The following KBTBD2 variants were observed in gnomAD, a reference collection of about 807,000 sequenced individuals.
KBTBD2 encodes the protein kelch repeat and BTB domain containing 2, also known as kelch repeat and BTB domain-containing protein 2.
A neutral mutation model predicts 57.1 loss-of-function variants in KBTBD2; 17 were observed. The ratio of observed to expected loss-of-function variants is 0.30; its 90% CI spans 0.20 to 0.45. The LOEUF is 0.45. Ranked by LOEUF, KBTBD2 falls within the 20% of genes least tolerant of loss-of-function variation. KBTBD2 has a pLI of 1.00. For synonymous variants in KBTBD2, 267 were observed against 262.7 expected (o/e 1.02, Z -0.16); for missense variants, 515 against 750.6 (o/e 0.69, Z 3.67).
Position 32,879,509 on chromosome 7 carries a change from G to A in KBTBD2, c.96C>T (p.Asp32=). 6.2e-7 allele frequency: 1 copy of A among 1,612,856 alleles called. No homozygotes were observed. Among genetic ancestry groups the A allele is most frequent in the Non-Finnish European group, 8.5e-7 (1 of 1,178,994 alleles). ...KLFYEQQLFT[D]IVLIVEGTEF... ...CAGTGCCCTCAACAATTAACACTAT[G>A]TCAGTAAACAACTGCTGTTCATAAA... is the stretch of plus-strand genomic sequence containing the variant. Residue 32 remains aspartate, a synonymous_variant, in exon 2 of 4, where the codon GAC becomes GAT. Transcript: ENST00000304056.
intron 3 of KBTBD2, among the ~76,000 whole-genome samples, chr7:32,873,384 C>CAAAAAA (rs544661966): frequency 9.3e-6 from 1 of 107,766 alleles, no homozygotes; most frequent in Non-Finnish European, 1.9e-5. Context: ...AAGCTCTAAG[C>CAAAAAA]AAAAAAAAAA....
chr7:32,889,371 G>C (rs898383996), intron 1 of KBTBD2, among the ~76,000 whole-genome samples: 4 of 152,008 alleles, frequency 2.6e-5, no homozygotes, highest in Non-Finnish European at 5.9e-5. Context: ...GGAAGGCCGA[G>C]GTGAGGGGAT....
At chr7:32,886,056 G>C (rs113614936) in intron 1 of KBTBD2, among the ~76,000 whole-genome samples, 2 of 151,850 alleles carry the variant, frequency 1.3e-5, no homozygotes, top group Non-Finnish European at 2.9e-5. Context: ...TTACAGGCAC[G>C]CACCACCATG....
intron 1 of KBTBD2, among the ~76,000 whole-genome samples, chr7:32,880,293 G>T (rs1009320472): frequency 1.3e-5 from 2 of 151,790 alleles, no homozygotes; most frequent in Admixed American, 6.6e-5. Flanking sequence ...AGCAACAAAT[G>T]ATCATAATAT....
chr7:32,885,017 T>TACACATATATGTGTATATATATATATAC (rs1562537582), intron 1 of KBTBD2, among the ~76,000 whole-genome samples: 100 of 125,026 alleles, frequency 8.0e-4, no homozygotes, highest in African/African-American at 3.2e-3. Flanking sequence ...TATATATATA[T>TACACATATATGTGTATATATATATATAC]ACACACACAT....
At chr7:32,874,073 G>A (rs1562532338) in intron 3 of KBTBD2, among the ~76,000 whole-genome samples, 1 of 152,066 alleles carries the variant, frequency 6.6e-6, no homozygotes, top group Non-Finnish European at 1.5e-5. Context: ...GACCAGCCTG[G>A]GCAACACAGT....
chr7:32,873,567 C>G (rs1292137027), intron 3 of KBTBD2, among the ~76,000 whole-genome samples: 1 of 152,004 alleles, frequency 6.6e-6, no homozygotes, highest in Non-Finnish European at 1.5e-5. Context: ...AACCCCACCT[C>G]AACTAAAAAT....
Position 32,879,553 on chromosome 7 carries a change from A to G in KBTBD2, c.52T>C (p.Leu18=), listed in dbSNP as rs775530015. 6 of 1,613,502 alleles carry G rather than the reference A, an allele frequency of 3.7e-6. No individual in the cohort carries two copies. The South Asian group carries it at 5.5e-5, about 15-fold the overall frequency. Residue 18 remains leucine (L), a synonymous_variant, in exon 2 of 4, where the codon TTG becomes CTG. Transcript: ENST00000304056. ...QINTEYAVSL[L]EQLKLFYEQQ... is the part of the protein sequence containing the mutation. ...TCATAAAACAGTTTCAACTGTTCCA[A>G]CAATGACACAGCATATTCAGTATTG...
intron 1 of KBTBD2, among the ~76,000 whole-genome samples, chr7:32,880,421 A>G (rs1395465055): frequency 1.3e-5 from 2 of 152,198 alleles, no homozygotes; most frequent in African/African-American, 4.8e-5. Context: ...TTTAAACTAT[A>G]CGGTAAATAG....
chr7:32,890,743 C>T (rs1784711218), intron 1 of KBTBD2, among the ~76,000 whole-genome samples: 1 of 152,148 alleles, frequency 6.6e-6, no homozygotes, highest in Non-Finnish European at 1.5e-5. Flanking sequence ...GAATTCTTTT[C>T]CTATTTTCAC....
At chr7:32,878,601 C>CA (rs1184759022) in intron 2 of KBTBD2, among the ~76,000 whole-genome samples, 3 of 149,834 alleles carry the variant, frequency 2.0e-5, no homozygotes, top group Non-Finnish European at 4.4e-5. Context: ...AAAACAAAAA[C>CA]AAAACAAAAC....
intron 3 of KBTBD2, among the ~76,000 whole-genome samples, chr7:32,873,978 C>T (rs190014802): frequency 3.9e-4 from 59 of 152,214 alleles, no homozygotes; most frequent in African/African-American, 1.4e-3. Flanking sequence ...AAAGACATTA[C>T]TGGGCCAGGC....
intron 1 of KBTBD2, among the ~76,000 whole-genome samples, chr7:32,880,630 GAATT>G (rs1168175488): frequency 5.9e-5 from 9 of 151,306 alleles, no homozygotes; most frequent in African/African-American, 2.2e-4. Flanking sequence ...AATGTTCTCC[GAATT>G]AATATGTAAC....
At chr7:32,885,287 T>C (rs1784549270) in intron 1 of KBTBD2, among the ~76,000 whole-genome samples, 1 of 151,846 alleles carries the variant, frequency 6.6e-6, no homozygotes, top group Non-Finnish European at 1.5e-5. Context: ...AAGCACAAAC[T>C]TTAAATTCCT....
chr7:32,885,566 T>A (rs1175656809), intron 1 of KBTBD2, among the ~76,000 whole-genome samples: 1 of 152,036 alleles, frequency 6.6e-6, no homozygotes, highest in Admixed American at 6.6e-5. Flanking sequence ...TAAATTACTT[T>A]GGGAAATCCC....
Position 32,879,917 on chromosome 7 carries a change from T to A in KBTBD2, c.-313A>T, listed in dbSNP as rs1386928618. On this transcript the variant is annotated 5_prime_UTR_variant, in exon 2 of 4. Transcript: ENST00000304056. ...CGAGGTAGATTTTGTGGCAACATCC[T>A]ATGTTCAGCGGATCCTGTGGAGTAA... The A allele has an allele frequency of 3.8e-6, 1 of 264,550 alleles. No homozygotes were observed. Among genetic ancestry groups the A allele is most frequent in the African/African-American group, 2.3e-5 (1 of 43,872 alleles). The allele number at this position is 264,550 out of a possible 1,614,324, so 16.4% of individuals were successfully genotyped here.
chr7:32,880,835 G>C (rs1428024929), intron 1 of KBTBD2, among the ~76,000 whole-genome samples: 1 of 152,134 alleles, frequency 6.6e-6, no homozygotes, highest in Non-Finnish European at 1.5e-5. Context: ...GGGCACAGTG[G>C]CTCATGCCTG....
At chr7:32,877,053 C>G (rs923412562) in intron 2 of KBTBD2, among the ~76,000 whole-genome samples, 1 of 152,042 alleles carries the variant, frequency 6.6e-6, no homozygotes, top group African/African-American at 2.4e-5. Context: ...GAGTCTCACC[C>G]TGTTGCCCAG....
chr7:32,870,591 C>T lies in KBTBD2; in HGVS notation c.626G>A (p.Arg209Gln), dbSNP rs1784149393. The stretch of plus-strand genomic sequence containing the variant: ...AAGAACAGAAGACAAATACTGGGAT[C>T]GTGATTCTGTGTTATACTCTAGCCA... ...MLWLEYNTESRSQYLSSVLSQ... is the reference protein window; with the variant it reads ...MLWLEYNTESQSQYLSSVLSQ... The change falls in exon 4 of 4, where the codon CGA becomes CAA. Residue 209 changes from arginine to glutamine, a missense_variant. Transcript: ENST00000304056. The T allele has an allele frequency of 6.2e-7, 1 of 1,614,072 alleles. No individual in the cohort carries two copies. Among genetic ancestry groups the T allele is most frequent in the Non-Finnish European group, 8.5e-7 (1 of 1,180,006 alleles).
Sources: gnomAD v4.1 joint callset for allele counts (sites outside exome capture counted in the v4.1 genomes callset) on GRCh38, gnomAD v4.1.1 for gene constraint, MANE v1.5 for transcripts, NCBI Gene and HGNC (gene_info 2026-07-23, HGNC 2026-07-21) for gene names.